The following FAM193A variants were observed in gnomAD, a reference collection of about 807,000 sequenced individuals.
FAM193A encodes the protein protein FAM193A.
Under a neutral mutation model 126.5 loss-of-function variants are expected in FAM193A, and 22 were observed. That is an observed-to-expected ratio of 0.17 (90% CI 0.12 to 0.25). FAM193A has a LOEUF of 0.25. Ranked by LOEUF, FAM193A falls within the 10% of genes least tolerant of loss-of-function variation. FAM193A has a pLI of 1.00. For missense variants in FAM193A, 1,675 were observed against 1,672.8 expected (o/e 1.00, Z -0.02); for synonymous variants, 761 against 646.8 (o/e 1.18, Z -2.68).
rs770304794 is a variant in FAM193A, at chr4:2,659,953, C to T, written c.1644C>T (p.Pro548=). Residue 548 remains proline, a synonymous_variant, in exon 10 of 21, where the codon CCC becomes CCT. Transcript: ENST00000637812. Reference sequence around the variant, plus strand: ...ACTATCTTGCTGAGAGGAGCCCGCCCAGTGTGTCATCTGCAAGCTCGGGGT... The same window carrying T: ...ACTATCTTGCTGAGAGGAGCCCGCCTAGTGTGTCATCTGCAAGCTCGGGGT... The part of the protein sequence containing the change: ...APDYLAERSP[P]SVSSASSGSG... 6.2e-6 allele frequency: 10 copies of T among 1,614,054 alleles called. No individual in the cohort carries two copies. The highest frequency in any genetic ancestry group is 1.6e-4 in the Middle Eastern group (1 of 6,084).
intron 18 of FAM193A, among the ~76,000 whole-genome samples, chr4:2,699,042 C>T (rs1005871451): frequency 7.9e-5 from 12 of 152,162 alleles, no homozygotes; most frequent in African/African-American, 2.9e-4. Flanking sequence ...GGACCACAGT[C>T]GTGCGCCCTC....
chr4:2,638,545 A>C (rs753637193), intron 5 of FAM193A, among the ~76,000 whole-genome samples: 1 of 152,212 alleles, frequency 6.6e-6, no homozygotes, highest in Non-Finnish European at 1.5e-5. Context: ...GGAAATGTTA[A>C]CAAAACGGAA....
At chr4:2,651,140 G>C (rs1745622486) in intron 7 of FAM193A, among the ~76,000 whole-genome samples, 1 of 152,160 alleles carries the variant, frequency 6.6e-6, no homozygotes, top group South Asian at 2.1e-4. Flanking sequence ...AGACCAGCCT[G>C]GCCAGCATGG....
intron 1 of FAM193A, among the ~76,000 whole-genome samples, chr4:2,558,958 C>A (rs558872417): frequency 6.6e-6 from 1 of 152,276 alleles, no homozygotes; most frequent in Admixed American, 6.5e-5. Flanking sequence ...TGTGATCGTG[C>A]CACTGCACTC....
At chr4:2,727,461 C>T (rs533352681) in intron 20 of FAM193A, among the ~76,000 whole-genome samples, 82 of 152,234 alleles carry the variant, frequency 5.4e-4, no homozygotes, top group African/African-American at 1.9e-3. Flanking sequence ...GCAGCATTCC[C>T]GCTGAGACTG....
chr4:2,671,246 G>A (rs368627251), intron 12 of FAM193A, among the ~76,000 whole-genome samples: 7 of 152,156 alleles, frequency 4.6e-5, no homozygotes, highest in African/African-American at 9.7e-5. Context: ...CTTCCGTGGC[G>A]CTCTCATTTC....
intron 1 of FAM193A, among the ~76,000 whole-genome samples, chr4:2,548,288 C>T (rs866725012): frequency 2.6e-5 from 4 of 151,862 alleles, no homozygotes; most frequent in African/African-American, 9.7e-5. Flanking sequence ...CCAGACTGGT[C>T]TTGAACTCCT....
At chr4:2,558,141 G>A (rs1578592248) in intron 1 of FAM193A, among the ~76,000 whole-genome samples, 2 of 151,852 alleles carry the variant, frequency 1.3e-5, no homozygotes, top group Admixed American at 6.6e-5. Flanking sequence ...GTGTGGTGGC[G>A]CATGCCTGTA....
chr4:2,576,340 C>T (rs1490883732), intron 1 of FAM193A, among the ~76,000 whole-genome samples: 20 of 151,998 alleles, frequency 1.3e-4, no homozygotes, highest in South Asian at 6.3e-4. Flanking sequence ...CCTCGTGATC[C>T]GCCTGCCTCG....
At position 2,599,739 on chromosome 4, in the gene FAM193A, G is replaced by GTT. The variant is rs34438355; in HGVS notation, c.501+3424_501+3425dup. Among the ~76,000 whole-genome samples the GTT allele has an allele frequency of 4.7e-3, 678 of 143,932 alleles. 2 individuals are homozygous for GTT. The highest frequency in any genetic ancestry group is 0.016 in the African/African-American group (639 of 39,290). 94.4% of individuals were successfully genotyped at this position (143,932 alleles called of 152,430 possible). ...CACTTGCTTGTCTTCTCTTGCCATA[G>GTT]TTTTTTTTTTTTTTTGAGACAGAGT... On this transcript the variant is annotated intron_variant, in intron 2 of 20. Transcript: ENST00000637812.
intron 1 of FAM193A, among the ~76,000 whole-genome samples, chr4:2,594,820 C>CTTTTTTTTTTTTTTTTTTTTTTT (rs386399069): frequency 8.0e-5 from 5 of 62,210 alleles, no homozygotes; most frequent in Admixed American, 1.8e-4. Context: ...TTTTCTTTTC[C>CTTTTTTTTTTTTTTTTTTTTTTT]TTTTTTTTTT....
chr4:2,613,708 C>T (rs1742017681), intron 2 of FAM193A, among the ~76,000 whole-genome samples: 2 of 151,634 alleles, frequency 1.3e-5, no homozygotes, highest in Non-Finnish European at 2.9e-5. Flanking sequence ...CATGCCTTGG[C>T]CTCCCAAAGT....
chr4:2,729,125 A>G (rs1037728463), intron 20 of FAM193A, among the ~76,000 whole-genome samples: 1 of 152,030 alleles, frequency 6.6e-6, no homozygotes, highest in African/African-American at 2.4e-5. Flanking sequence ...CATAGCCAGC[A>G]CCAGGGAAAC....
intron 1 of FAM193A, among the ~76,000 whole-genome samples, chr4:2,563,018 C>T (rs1738721039): frequency 6.6e-6 from 1 of 151,982 alleles, no homozygotes; most frequent in African/African-American, 2.4e-5. Flanking sequence ...AATCTTAGCT[C>T]ACTGCAACCT....
chr4:2,679,375 CTTTTTTTTT>C (rs796366785), intron 13 of FAM193A, among the ~76,000 whole-genome samples: 5 of 87,848 alleles, frequency 5.7e-5, no homozygotes, highest in Admixed American at 4.1e-4. Flanking sequence ...AGTTTTCTTT[CTTTTTTTTT>C]TTTTTTTTTT....
At chr4:2,698,743 A>C (rs1013513171) in intron 18 of FAM193A, among the ~76,000 whole-genome samples, 5 of 152,162 alleles carry the variant, frequency 3.3e-5, no homozygotes, top group South Asian at 4.1e-4. Flanking sequence ...TCTGAACACA[A>C]AGAACAGTTT....
Position 2,663,089 on chromosome 4 carries a change from A to G in FAM193A, c.1900-20A>G. ...TACTCTGTTTTGAAAAGTGCAAATT[A>G]CAAAAGATTGTCTTTAAAGTCTCCT... On this transcript the variant is annotated intron_variant, in intron 11 of 20. Coordinates refer to ENST00000637812, the MANE Select transcript of FAM193A (RefSeq NM_001366318.2). The G allele has an allele frequency of 6.2e-7, 1 of 1,605,256 alleles. No individual in the cohort carries two copies. Among genetic ancestry groups the G allele is most frequent in the South Asian group, 1.1e-5 (1 of 90,394 alleles).
chr4:2,694,311 C>G (rs1028799493), intron 16 of FAM193A, among the ~76,000 whole-genome samples: 7 of 151,854 alleles, frequency 4.6e-5, no homozygotes, highest in African/African-American at 1.7e-4. Flanking sequence ...ACTCTGTCGC[C>G]CAGGCTGAAG....
chr4:2,619,489 A>ATTTTT (rs1245105110), intron 2 of FAM193A, among the ~76,000 whole-genome samples: 1 of 151,862 alleles, frequency 6.6e-6, no homozygotes, highest in Non-Finnish European at 1.5e-5. Context: ...TATTTTTAGT[A>ATTTTT]GAGCTAAAAA....
Sources: allele counts gnomAD v4.1 joint callset (sites outside exome capture counted in the v4.1 genomes callset), GRCh38; gene constraint gnomAD v4.1.1; transcripts MANE v1.5; gene names NCBI Gene and HGNC (gene_info 2026-07-23, HGNC 2026-07-21).